The following PCDHGA10 variants were observed in gnomAD, a reference collection of about 807,000 sequenced individuals.
PCDHGA10 encodes the protein protocadherin gamma subfamily A, 10.
Under a neutral mutation model 59.5 loss-of-function variants are expected in PCDHGA10, and 42 were observed. The observed-to-expected ratio is 0.71, with a 90% CI of 0.55 to 0.91. PCDHGA10 has a LOEUF of 0.91. PCDHGA10 is among the 40% of genes least tolerant of loss of function. The pLI is 0.00. For synonymous variants in PCDHGA10, 511 were observed against 517.2 expected (o/e 0.99, Z 0.16); for missense variants, 1,111 against 1,198.2 (o/e 0.93, Z 1.07).
intron 1 of PCDHGA10, among the ~76,000 whole-genome samples, chr5:141,455,130 A>G (rs1446894125): frequency 6.6e-6 from 1 of 150,872 alleles, no homozygotes; most frequent in South Asian, 2.1e-4. Flanking sequence ...GTTTTAAATT[A>G]CACTGTGTTA....
intron 1 of PCDHGA10, chr5:141,423,740 G>T: frequency 1.4e-6 from 1 of 698,992 alleles, no homozygotes; most frequent in Non-Finnish European, 1.8e-6. Flanking sequence ...AGCCTGTTAT[G>T]AAAACTGTTT....
In PCDHGA10 at chr5:141,413,561, A is replaced by G; in HGVS notation, c.386A>G (p.Asp129Gly). ...TTTGGGATAGAAATAGAAGTAACTG[A>G]TATCAATGACAATGCTCCAAAATTC... is the stretch of plus-strand genomic sequence containing the variant. ...KLFGIEIEVT[D>G]INDNAPKFQA... is the part of the protein sequence containing the mutation. Residue 129 changes from aspartate to glycine, a missense_variant, in exon 1 of 4, where the codon GAT (aspartate) becomes GGT (glycine). Physicochemically the swap from Asp to Gly is moderately conservative, Grantham distance 94 (BLOSUM62 -1). Transcript: ENST00000398610. 1 of 1,613,924 alleles carries G rather than the reference A, an allele frequency of 6.2e-7. No individual in the cohort carries two copies.
intron 1 of PCDHGA10, among the ~76,000 whole-genome samples, chr5:141,463,418 C>T (rs1442067485): frequency 3.6e-5 from 5 of 138,240 alleles, no homozygotes; most frequent in Admixed American, 2.9e-4. Flanking sequence ...TCCTAGTTTG[C>T]GGATCCTCAT....
chr5:141,480,273 G>A (rs2099516030), intron 1 of PCDHGA10, among the ~76,000 whole-genome samples: 1 of 151,956 alleles, frequency 6.6e-6, no homozygotes, highest in Non-Finnish European at 1.5e-5. Flanking sequence ...TCATTAGCTG[G>A]GTGTGTTGGC....
intron 1 of PCDHGA10, among the ~76,000 whole-genome samples, chr5:141,461,046 G>A (rs984653754): frequency 6.6e-6 from 1 of 151,578 alleles, no homozygotes; most frequent in Non-Finnish European, 1.5e-5. Context: ...AGTCGATGGG[G>A]ACTTAGGTTG....
chr5:141,462,818 C>T (rs1280335120), intron 1 of PCDHGA10, among the ~76,000 whole-genome samples: 1 of 152,120 alleles, frequency 6.6e-6, no homozygotes, highest in East Asian at 1.9e-4. Flanking sequence ...TTTTATTGGA[C>T]AGCAGACATT....
intron 1 of PCDHGA10, chr5:141,418,919 G>C: frequency 6.2e-7 from 1 of 1,614,016 alleles, no homozygotes. Flanking sequence ...GTCACTCTCT[G>C]ATCAGATTAT....
In PCDHGA10 at chr5:141,489,911, G is replaced by A; in HGVS notation, c.2437-4896G>A. On this transcript the variant is annotated intron_variant, in intron 1 of 3. Transcript: ENST00000398610. The surrounding 1 kb of genome is among the most constrained non-coding windows in gnomAD (Gnocchi z 4.5). ...GATGGGGGGACCCCAGCCCGCTCAG[G>A]GACCACCCTTATCTCTGTCATCGTG... 3.7e-6 allele frequency: 6 copies of A among 1,614,198 alleles called. No individual in the cohort carries two copies. Among genetic ancestry groups the A allele is most frequent in the Non-Finnish European group, 5.1e-6 (6 of 1,180,042 alleles).
chr5:141,422,272 A>T, intron 1 of PCDHGA10: 13 of 1,561,362 alleles, frequency 8.3e-6, no homozygotes, highest in Non-Finnish European at 1.1e-5. Context: ...TCCAGAAATA[A>T]CTATCACCTC....
At chr5:141,507,349 A>G (rs537480798) in intron 3 of PCDHGA10, 1 of 152,236 alleles carries the variant, frequency 6.6e-6, no homozygotes, top group African/African-American at 2.4e-5. Flanking sequence ...CTGAAATTCA[A>G]ATTTAACTGG....
intron 1 of PCDHGA10, chr5:141,428,275 G>A (rs566455986): frequency 6.5e-6 from 5 of 767,218 alleles, no homozygotes; most frequent in African/African-American, 3.4e-5. Context: ...TGTGCCCTCT[G>A]ATTCCCAAGC....
At position 141,486,045 on chromosome 5, in the gene PCDHGA10, A is replaced by G. The variant is rs2099623524; in HGVS notation, c.2437-8762A>G. The G allele has an allele frequency of 4.3e-6, 7 of 1,613,428 alleles. No individual in the cohort carries two copies. The highest frequency in any genetic ancestry group is 5.1e-6 in the Non-Finnish European group (6 of 1,179,858). ...GGTCATACCCCTGATCGTGTAAGAA[A>G]CCTCTTTAGCCTGCACCCCACTACT... On this transcript the variant is annotated intron_variant, in intron 1 of 3. Coordinates refer to ENST00000398610, the MANE Select transcript of PCDHGA10 (RefSeq NM_018913.3). This position sits in a 1 kb window ranked among gnomAD's most constrained non-coding sequence, Gnocchi z 5.0.
chr5:141,509,179 C>T (rs895281717), intron 3 of PCDHGA10, among the ~76,000 whole-genome samples: 1 of 152,172 alleles, frequency 6.6e-6, no homozygotes, highest in African/African-American at 2.4e-5. Flanking sequence ...TCCTCTTATG[C>T]CGGCTTGAAA....
chr5:141,463,135 C>G (rs1352400365), intron 1 of PCDHGA10, among the ~76,000 whole-genome samples: 1 of 152,128 alleles, frequency 6.6e-6, no homozygotes, highest in African/African-American at 2.4e-5. Flanking sequence ...GGCAGTTCTT[C>G]GCCCAGCTGC....
At chr5:141,423,936 G>A (rs2096792092) in intron 1 of PCDHGA10, 1 of 1,225,102 alleles carries the variant, frequency 8.2e-7, no homozygotes. Context: ...TTGGTTTGAA[G>A]TAAGTTGAAT....
At chr5:141,478,670 C>T (rs1413742587) in intron 1 of PCDHGA10, 28 of 1,551,664 alleles carry the variant, frequency 1.8e-5, no homozygotes, top group Non-Finnish European at 2.4e-5. Flanking sequence ...TTCACACTTT[C>T]AACTGGCCCT....
intron 2 of PCDHGA10, among the ~76,000 whole-genome samples, chr5:141,503,963 C>T (rs900066192): frequency 7.2e-5 from 11 of 152,188 alleles, no homozygotes; most frequent in Admixed American, 6.5e-4. Flanking sequence ...ACAGCCTTTC[C>T]CATGGTGCCA....
At chr5:141,474,998 T>C (rs1029967243) in intron 1 of PCDHGA10, among the ~76,000 whole-genome samples, 1 of 152,260 alleles carries the variant, frequency 6.6e-6, no homozygotes, top group Non-Finnish European at 1.5e-5. Context: ...CAATTCTAAA[T>C]GCAGAAAAGT....
rs781717265 is a variant in PCDHGA10 at position 141,413,448 on chromosome 5, G to A, written c.273G>A (p.Ala91=). ...CGCGCAGCGGCAGCTTGATCACCGC[G>A]GGCAGGATAGACCGGGAGGAGCTCT... ...LNPRSGSLIT[A]GRIDREELCA... is the part of the protein sequence containing the mutation. The change falls in exon 1 of 4, where the codon GCG becomes GCA. Residue 91 remains alanine, a synonymous_variant. Coordinates refer to ENST00000398610, the MANE Select transcript of PCDHGA10 (RefSeq NM_018913.3). 3.1e-6 allele frequency: 5 copies of A among 1,614,122 alleles called. No individual in the cohort carries two copies. Among genetic ancestry groups the A allele is most frequent in the Non-Finnish European group, 4.2e-6 (5 of 1,179,968 alleles).
Sources: allele counts gnomAD v4.1 joint callset (sites outside exome capture counted in the v4.1 genomes callset), GRCh38; gene constraint gnomAD v4.1.1; non-coding constraint Gnocchi (gnomAD v3.1); transcripts MANE v1.5; gene names NCBI Gene and HGNC (gene_info 2026-07-23, HGNC 2026-07-21).